MLLT3: variants seen among roughly 807,000 people sequenced by gnomAD.
MLLT3 encodes MLLT3 super elongation complex subunit.
Under a neutral mutation model 53.2 loss-of-function variants are expected in MLLT3, and 4 were observed. The observed-to-expected ratio is 0.08, with a 90% CI of 0.04 to 0.17. MLLT3 has a LOEUF of 0.17. Ranked by LOEUF, MLLT3 falls within the 10% of genes least tolerant of loss-of-function variation. The probability of loss-of-function intolerance (pLI) is 1.00; values close to 1 mark genes in which losing one functional copy is unlikely to be tolerated. For missense variants in MLLT3, 569 were observed against 684.0 expected, an observed-to-expected ratio of 0.83 and a Z score of 1.87; for synonymous variants, 283 against 230.6, an observed-to-expected ratio of 1.23 and a Z score of -2.06.
chr9:20,345,433 T>C lies in MLLT3; in HGVS notation c.*1010A>G, dbSNP rs995769054. The C allele has an allele frequency of 2.9e-5, 6 of 208,164 alleles. No individual in the cohort carries two copies. The highest frequency in any genetic ancestry group is 1.2e-4 in the Admixed American group (2 of 16,850). 12.9% of individuals were successfully genotyped at this position (208,164 alleles called of 1,614,324 possible). On this transcript the variant is annotated 3_prime_UTR_variant, in exon 11 of 11. Coordinates refer to ENST00000380338, the MANE Select transcript of MLLT3 (RefSeq NM_004529.4). The stretch of plus-strand genomic sequence containing the variant: ...TGAAGAAAGCTGAAACTCTGACTAA[T>C]AAATAGATCCAAATTAAGAATTTCT...
intron 2 of MLLT3, among the ~76,000 whole-genome samples, chr9:20,478,095 C>T (rs753201231): frequency 1.3e-5 from 2 of 151,608 alleles, no homozygotes; most frequent in Non-Finnish European, 2.9e-5. Flanking sequence ...GGCTTAGTGT[C>T]GCTGTGTTTC....
intron 5 of MLLT3, among the ~76,000 whole-genome samples, chr9:20,385,273 A>T (rs1563945379): frequency 6.6e-6 from 1 of 152,090 alleles, no homozygotes; most frequent in African/African-American, 2.4e-5. Context: ...ACTTTGTGTG[A>T]CAGTAGTATT....
intron 2 of MLLT3, among the ~76,000 whole-genome samples, chr9:20,520,875 G>A (rs1045607785): frequency 6.6e-6 from 1 of 152,176 alleles, no homozygotes; most frequent in Non-Finnish European, 1.5e-5. Flanking sequence ...AGCCAGAGAC[G>A]CAGCAACTGT....
chr9:20,385,555 T>A (rs1283669929), intron 5 of MLLT3, among the ~76,000 whole-genome samples: 1 of 152,170 alleles, frequency 6.6e-6, no homozygotes, highest in African/African-American at 2.4e-5. Flanking sequence ...TTTGGTTCAA[T>A]CGAGAACATC....
At chr9:20,589,087 A>G (rs1032064002) in intron 2 of MLLT3, among the ~76,000 whole-genome samples, 6 of 150,672 alleles carry the variant, frequency 4.0e-5, no homozygotes, top group Non-Finnish European at 7.4e-5. Context: ...ATTACTGGGT[A>G]TATACCCAAA....
chr9:20,415,217 G>T (rs1822841901), intron 4 of MLLT3, among the ~76,000 whole-genome samples: 1 of 151,932 alleles, frequency 6.6e-6, no homozygotes, highest in Non-Finnish European at 1.5e-5. Flanking sequence ...TCACCCACTA[G>T]GAAAAATAAA....
At chr9:20,441,039 A>G (rs1823536272) in intron 4 of MLLT3, among the ~76,000 whole-genome samples, 1 of 152,126 alleles carries the variant, frequency 6.6e-6, no homozygotes, top group African/African-American at 2.4e-5. Flanking sequence ...ACTCAAAACA[A>G]CTTTTCTTAG....
intron 2 of MLLT3, among the ~76,000 whole-genome samples, chr9:20,498,227 CAAAAAAAAAAAAAAAA>C (rs529049653): frequency 0.011 from 342 of 32,488 alleles, 10 homozygotes; most frequent in African/African-American, 0.021. Context: ...GACGCTGTCT[CAAAAAAAAAAAAAAAA>C]AAAAAAAAAA....
intron 5 of MLLT3, among the ~76,000 whole-genome samples, chr9:20,367,059 C>CCAGA (rs1436127967): frequency 1.8e-4 from 28 of 152,204 alleles, no homozygotes; most frequent in African/African-American, 6.3e-4. Flanking sequence ...ATAACAAGAC[C>CCAGA]CAGACAGGTC....
intron 2 of MLLT3, among the ~76,000 whole-genome samples, chr9:20,469,467 C>A (rs1032212880): frequency 7.2e-5 from 11 of 152,034 alleles, no homozygotes; most frequent in African/African-American, 2.4e-4. Context: ...ATGCACCCTG[C>A]CACTATGCAG....
chr9:20,582,563 G>A (rs1342169840), intron 2 of MLLT3, among the ~76,000 whole-genome samples: 8 of 152,146 alleles, frequency 5.3e-5, no homozygotes, highest in Admixed American at 2.6e-4. Flanking sequence ...TCACCCTGCT[G>A]ATAAAGACAT....
At chr9:20,519,931 C>T (rs1031277736) in intron 2 of MLLT3, among the ~76,000 whole-genome samples, 2 of 152,056 alleles carry the variant, frequency 1.3e-5, no homozygotes, top group Non-Finnish European at 2.9e-5. Context: ...ACAGTAGCAA[C>T]GACATGGAAT....
intron 4 of MLLT3, among the ~76,000 whole-genome samples, chr9:20,419,362 G>A (rs1822950507): frequency 6.6e-6 from 1 of 151,908 alleles, no homozygotes; most frequent in Non-Finnish European, 1.5e-5. Flanking sequence ...GAAAAGAGAA[G>A]AGCCTTGAAT....
chr9:20,448,141 C>T lies in MLLT3; in HGVS notation c.402G>A (p.Lys134=), dbSNP rs755133622. The T allele has an allele frequency of 9.3e-6, 15 of 1,612,998 alleles. No homozygotes were observed. Among genetic ancestry groups the T allele is most frequent in the Non-Finnish European group, 1.2e-5 (14 of 1,179,524 alleles). The part of the protein sequence containing the change: ...FNNPTEDFRR[K]LLKAGGDPNR... ...CACTTACCCCTCCTGCCTTCAGCAA[C>T]TTTCTCCTAAAGTCCTCTGTGGGGT... is the stretch of plus-strand genomic sequence containing the variant. Residue 134 remains lysine (K), a synonymous_variant, in exon 4 of 11, where the codon AAG becomes AAA. Coordinates refer to ENST00000380338, the MANE Select transcript of MLLT3 (RefSeq NM_004529.4). This position sits in a 1 kb window ranked among gnomAD's most constrained non-coding sequence, Gnocchi z 4.0.
At chr9:20,508,149 A>G (rs955220498) in intron 2 of MLLT3, among the ~76,000 whole-genome samples, 4 of 152,188 alleles carry the variant, frequency 2.6e-5, no homozygotes, top group Non-Finnish European at 5.9e-5. Context: ...AAATACTGCA[A>G]CTTTCCCATC....
At chr9:20,465,614 G>A (rs755021402) in intron 2 of MLLT3, among the ~76,000 whole-genome samples, 3 of 152,170 alleles carry the variant, frequency 2.0e-5, no homozygotes, top group African/African-American at 2.4e-5. Context: ...AACCTAACTC[G>A]ACAGAAACAC....
At chr9:20,462,391 TG>T (rs1196337727) in intron 2 of MLLT3, among the ~76,000 whole-genome samples, 3 of 152,216 alleles carry the variant, frequency 2.0e-5, no homozygotes, top group African/African-American at 7.2e-5. Context: ...TCTCACCTTT[TG>T]GATCTTTTAA....
Position 20,446,702 on chromosome 9 carries a change from A to C in MLLT3, c.420+1421T>G, listed in dbSNP as rs118136588. ...AAATGGACCAGTTAGTTGATTGTTA[A>C]TGGCATAGCCATAGGTAAATGGCAT... On this transcript the variant is annotated intron_variant, in intron 4 of 10. Transcript: ENST00000380338. 5.1e-3 allele frequency among the ~76,000 whole-genome samples: 772 copies of C among 152,352 alleles called. 22 individuals carry two copies. In the South Asian group the frequency reaches 0.082, roughly 16 times the overall value.
chr9:20,492,734 G>T (rs376168525), intron 2 of MLLT3, among the ~76,000 whole-genome samples: 1 of 151,786 alleles, frequency 6.6e-6, no homozygotes, highest in Non-Finnish European at 1.5e-5. Context: ...AAAAGAATTC[G>T]CCTGAAAACT....
Sources: allele counts gnomAD v4.1 joint callset (sites outside exome capture counted in the v4.1 genomes callset), GRCh38; gene constraint gnomAD v4.1.1; non-coding constraint Gnocchi (gnomAD v3.1); transcripts MANE v1.5; gene names NCBI Gene and HGNC (gene_info 2026-07-23, HGNC 2026-07-21).